AFAP1: variants seen among roughly 807,000 people sequenced by gnomAD.
AFAP1 encodes the protein actin filament associated protein 1, also known as actin filament-associated protein 1.
A neutral mutation model predicts 93.9 loss-of-function variants in AFAP1; 75 were observed. That is an observed-to-expected ratio of 0.80 (90% CI 0.66 to 0.97). The LOEUF is 0.97. Ranked by LOEUF, AFAP1 falls within the 50% of genes least tolerant of loss-of-function variation. The pLI is 0.00. For missense variants in AFAP1, 1,201 were observed against 1,050.8 expected, an observed-to-expected ratio of 1.14 and a Z score of -1.98; for synonymous variants, 517 against 430.7, an observed-to-expected ratio of 1.20 and a Z score of -2.48.
In AFAP1 at chr4:7,800,561, G is replaced by A. The variant is rs143164186; in HGVS notation, c.1147C>T (p.Leu383=). 6.3e-5 allele frequency: 101 copies of A among 1,614,068 alleles called. No individual in the cohort carries two copies. The Middle Eastern group carries it at 6.6e-4, about 11-fold the overall frequency. The change falls in exon 10 of 18, where the codon CTG becomes TTG. Residue 383 remains leucine, a synonymous_variant. Coordinates refer to ENST00000420658, the MANE Select transcript of AFAP1 (RefSeq NM_001134647.2). ...KLIFHKDRTD[L]KTHIVSIPLR... ...GGAATAGACACAATATGGGTCTTCA[G>A]GTCGGTCCTGTCCTTGTGGAAAATG...
intron 1 of AFAP1, among the ~76,000 whole-genome samples, chr4:7,937,548 G>T (rs745955178): frequency 1.3e-5 from 2 of 152,186 alleles, no homozygotes; most frequent in African/African-American, 2.4e-5. Flanking sequence ...GTGCAGTGGA[G>T]TTATTTCAAC....
chr4:7,850,517 T>C (rs1287624041), intron 4 of AFAP1, among the ~76,000 whole-genome samples: 5 of 152,120 alleles, frequency 3.3e-5, no homozygotes, highest in Non-Finnish European at 7.4e-5. Context: ...CCAATGAGCG[T>C]TGTAGTGAGT....
At chr4:7,854,054 CT>C (rs1482282482) in intron 4 of AFAP1, among the ~76,000 whole-genome samples, 1 of 152,216 alleles carries the variant, frequency 6.6e-6, no homozygotes, top group Non-Finnish European at 1.5e-5. Context: ...TGAAAGTACA[CT>C]GCAGGGGAAG....
intron 7 of AFAP1, among the ~76,000 whole-genome samples, chr4:7,816,899 G>C (rs1249883254): frequency 6.6e-6 from 1 of 152,228 alleles, no homozygotes; most frequent in Admixed American, 6.5e-5. Context: ...CTGCAGTGAA[G>C]AAACCAGTGC....
At chr4:7,903,836 A>C (rs1719253127) in intron 1 of AFAP1, among the ~76,000 whole-genome samples, 1 of 152,228 alleles carries the variant, frequency 6.6e-6, no homozygotes, top group Non-Finnish European at 1.5e-5. Flanking sequence ...GGCGGGCAGC[A>C]TCAAAATGAT....
At chr4:7,796,018 C>T (rs919034094) in intron 10 of AFAP1, among the ~76,000 whole-genome samples, 1 of 152,106 alleles carries the variant, frequency 6.6e-6, no homozygotes, top group Non-Finnish European at 1.5e-5. Flanking sequence ...TGTATATATA[C>T]ACTTGTAAGT....
chr4:7,781,541 G>A lies in AFAP1; in HGVS notation c.1617C>T (p.Asn539=). 1 of 1,552,154 alleles carries A rather than the reference G, an allele frequency of 6.4e-7. No individual in the cohort carries two copies. Among genetic ancestry groups the A allele is most frequent in the Non-Finnish European group, 8.7e-7 (1 of 1,147,114 alleles). The change falls in exon 13 of 18, where the codon AAC becomes AAT. Residue 539 remains asparagine (N), a synonymous_variant. Coordinates refer to ENST00000420658, the MANE Select transcript of AFAP1 (RefSeq NM_001134647.2). Reference sequence around the variant, plus strand: ...GGGCAAAGATGTGCGGAGGCGGCAAGTTATCGTACAGGCCTGCGTTATCAT... The same window carrying A: ...GGGCAAAGATGTGCGGAGGCGGCAAATTATCGTACAGGCCTGCGTTATCAT... ...VLYDNAGLYD[N]LPPPHIFARY...
chr4:7,862,169 C>CA (rs1715779269), intron 3 of AFAP1: 1 of 151,958 alleles, frequency 6.6e-6, no homozygotes, highest in Non-Finnish European at 1.5e-5. Context: ...CCCGTCTCCA[C>CA]AAAAAATACA....
At chr4:7,929,002 C>T (rs1026684981) in intron 1 of AFAP1, among the ~76,000 whole-genome samples, 7 of 152,198 alleles carry the variant, frequency 4.6e-5, no homozygotes, top group African/African-American at 1.7e-4. Flanking sequence ...CAGATCACTC[C>T]GATCGCAGAG....
At chr4:7,830,177 T>C (rs191554963) in intron 6 of AFAP1, among the ~76,000 whole-genome samples, 140 of 152,316 alleles carry the variant, frequency 9.2e-4, no homozygotes, top group African/African-American at 3.1e-3. Flanking sequence ...AGATGAAATC[T>C]GCATTGCTAT....
intron 1 of AFAP1, among the ~76,000 whole-genome samples, chr4:7,936,362 G>A (rs542710550): frequency 3.3e-5 from 5 of 149,774 alleles, no homozygotes; most frequent in East Asian, 1.9e-4. Context: ...GTTTCACTCC[G>A]TCACCCAGAC....
chr4:7,897,118 C>T (rs1395238267), intron 1 of AFAP1, among the ~76,000 whole-genome samples: 1 of 152,072 alleles, frequency 6.6e-6, no homozygotes, highest in Non-Finnish European at 1.5e-5. Context: ...GGCCCTCTAC[C>T]CTCAACTCCA....
Position 7,830,802 on chromosome 4 carries a change from T to C in AFAP1, c.726+7722A>G, listed in dbSNP as rs574703434. On this transcript the variant is annotated intron_variant, in intron 6 of 17. Coordinates refer to ENST00000420658, the MANE Select transcript of AFAP1 (RefSeq NM_001134647.2). ...TTTTTAATGTTTTATAGAGATAGCC[T>C]CTTGCTATTTTTCCCAGGCTGGTCT... 2.0e-5 allele frequency among the ~76,000 whole-genome samples: 3 copies of C among 152,246 alleles called. No individual in the cohort carries two copies. The South Asian group carries it at 6.2e-4, about 32-fold the overall frequency.
intron 14 of AFAP1, chr4:7,775,112 G>T: frequency 1.8e-6 from 1 of 560,786 alleles, no homozygotes. Flanking sequence ...CTGTGCTCCA[G>T]CCTGGATGAC....
At position 7,836,772 on chromosome 4, in the gene AFAP1, C is replaced by T. The variant is rs968685384; in HGVS notation, c.726+1752G>A. 2.6e-5 allele frequency among the ~76,000 whole-genome samples: 4 copies of T among 151,094 alleles called. 1 individual carries two copies. Among genetic ancestry groups the T allele is most frequent in the African/African-American group, 9.7e-5 (4 of 41,060 alleles). On this transcript the variant is annotated intron_variant, in intron 6 of 17. Coordinates refer to ENST00000420658, the MANE Select transcript of AFAP1 (RefSeq NM_001134647.2). ...CAGTACAGTGTTCTTTTTGGAGCGA[C>T]GAAATTCAGCATCTAGACTATGGTG...
At chr4:7,813,087 G>A (rs911874615) in intron 8 of AFAP1, among the ~76,000 whole-genome samples, 3 of 152,148 alleles carry the variant, frequency 2.0e-5, no homozygotes, top group Non-Finnish European at 4.4e-5. Context: ...GGCTTTGACC[G>A]CATGGAGCCT....
chr4:7,882,376 A>C (rs2149197865), intron 1 of AFAP1, among the ~76,000 whole-genome samples: 1 of 149,802 alleles, frequency 6.7e-6, no homozygotes, highest in Non-Finnish European at 1.5e-5. Context: ...AGGATAAAAT[A>C]CACAGAACAT....
In AFAP1 at chr4:7,800,614, C is replaced by A; in HGVS notation, c.1094G>T (p.Arg365Leu). 1.2e-6 allele frequency: 2 copies of A among 1,614,210 alleles called. No homozygotes were observed. The highest frequency in any genetic ancestry group is 1.7e-6 in the Non-Finnish European group (2 of 1,180,040). ...NVLSNSRWRE[R>L]WCRVKDNKLI... is the part of the protein sequence containing the mutation. ...CTTGTTATCTTTCACTCGGCACCAG[C>A]GCTCTCGCCAGCGGCTGTTGGAGAG... The change falls in exon 10 of 18, where the codon CGC (arginine) becomes CTC (leucine). Residue 365 changes from arginine (R) to leucine (L), a missense_variant. Coordinates refer to ENST00000420658, the MANE Select transcript of AFAP1 (RefSeq NM_001134647.2).
chr4:7,800,387 G>A, intron 10 of AFAP1, 55 bp downstream of exon 10: 2 of 1,575,210 alleles, frequency 1.3e-6, no homozygotes, highest in Non-Finnish European at 1.7e-6. Context: ...CCTTTTGAAA[G>A]GAAGATCACC....
Sources: allele counts gnomAD v4.1 joint callset (sites outside exome capture counted in the v4.1 genomes callset), GRCh38; gene constraint gnomAD v4.1.1; transcripts MANE v1.5; gene names NCBI Gene and HGNC (gene_info 2026-07-23, HGNC 2026-07-21).